The following CACNA1A variants were observed in gnomAD, a reference collection of about 807,000 sequenced individuals.
The protein encoded by CACNA1A is calcium voltage-gated channel subunit alpha1 A.
In CACNA1A, 57 loss-of-function variants were observed where a neutral mutation model predicts 262.4. That is an observed-to-expected ratio of 0.22 (90% CI 0.18 to 0.27). The LOEUF (loss-of-function observed/expected upper bound fraction) is 0.27, where lower values mean the gene tolerates loss of function less well. Ranked by LOEUF, CACNA1A falls within the 10% of genes least tolerant of loss-of-function variation. The pLI is 1.00. For synonymous variants in CACNA1A, 1,431 were observed against 1,419.3 expected (o/e 1.01, Z -0.18); for missense variants, 2,526 against 3,562.8 (o/e 0.71, Z 7.41).
intron 3 of CACNA1A, among the ~76,000 whole-genome samples, chr19:13,383,018 C>T (rs764331585): frequency 6.6e-6 from 1 of 152,196 alleles, no homozygotes; most frequent in Non-Finnish European, 1.5e-5. Flanking sequence ...TCCTTCAACT[C>T]CTGTGACTAG....
chr19:13,363,941 G>C (rs944012233), intron 5 of CACNA1A: 3 of 152,268 alleles, frequency 2.0e-5, no homozygotes, highest in African/African-American at 7.2e-5. Context: ...CAAGCAGCTA[G>C]AGTTTGGATG....
chr19:13,316,380 C>G (rs1476172025), intron 11 of CACNA1A: 3 of 152,146 alleles, frequency 2.0e-5, no homozygotes, highest in Non-Finnish European at 4.4e-5. Context: ...CTATCTCATG[C>G]TAACTCACAT....
intron 3 of CACNA1A, among the ~76,000 whole-genome samples, chr19:13,400,446 T>A (rs1487228780): frequency 1.3e-5 from 2 of 152,204 alleles, no homozygotes; most frequent in East Asian, 1.9e-4. Flanking sequence ...TTTAACTAGA[T>A]GAATACTGTC....
intron 24 of CACNA1A, chr19:13,275,207 G>T (rs904142942): frequency 9.2e-5 from 14 of 152,834 alleles, no homozygotes; most frequent in Non-Finnish European, 1.5e-4. Context: ...TGATAGCTCA[G>T]AACTCAGGGG....
chr19:13,441,668 A>G (rs562918297), intron 3 of CACNA1A, among the ~76,000 whole-genome samples: 38 of 83,378 alleles, frequency 4.6e-4, no homozygotes, highest in African/African-American at 1.5e-3. Flanking sequence ...TGTCTCGAGG[A>G]AAAAAAAAAA....
Position 13,415,743 on chromosome 19 carries a change from T to TAAAAA in CACNA1A, c.539+37128_539+37132dup, listed in dbSNP as rs71170510. Among the ~76,000 whole-genome samples the TAAAAA allele has an allele frequency of 5.2e-3, 220 of 42,502 alleles. 16 individuals are homozygous for TAAAAA. The highest frequency in any genetic ancestry group is 0.022 in the Admixed American group (61 of 2,820). 27.9% of individuals were successfully genotyped at this position (42,502 alleles called of 152,430 possible). ...CAACAGAGCGAGACTCTGTCTCAAT[T>TAAAAA]AAAAAAAAAAAAAAAAAAAAAAAAA... On this transcript the variant is annotated intron_variant, in intron 3 of 46. Coordinates refer to ENST00000360228, the MANE Select transcript of CACNA1A (RefSeq NM_001127222.2).
chr19:13,279,997 C>T (rs886689615), intron 22 of CACNA1A, among the ~76,000 whole-genome samples: 6 of 151,928 alleles, frequency 3.9e-5, no homozygotes, highest in South Asian at 2.1e-4. Flanking sequence ...TTGGTAGAGA[C>T]GGGGTTTCAC....
intron 1 of CACNA1A, among the ~76,000 whole-genome samples, chr19:13,480,627 G>A (rs1174042631): frequency 3.3e-5 from 5 of 151,996 alleles, no homozygotes; most frequent in Admixed American, 6.6e-5. Context: ...CCAGGAGTTC[G>A]AGATCAACCT....
At chr19:13,223,564 C>T (rs2055316958) in intron 38 of CACNA1A, among the ~76,000 whole-genome samples, 2 of 152,194 alleles carry the variant, frequency 1.3e-5, no homozygotes, top group African/African-American at 4.8e-5. Flanking sequence ...TCCTTTCGGT[C>T]TCCCATCCCC....
At chr19:13,410,079 T>C (rs1215413784) in intron 3 of CACNA1A, among the ~76,000 whole-genome samples, 1 of 152,176 alleles carries the variant, frequency 6.6e-6, no homozygotes, top group Non-Finnish European at 1.5e-5. Flanking sequence ...TGTGCTGTCA[T>C]CTAAAGTGAA....
chr19:13,431,352 G>C (rs2060499890), intron 3 of CACNA1A, among the ~76,000 whole-genome samples: 1 of 152,050 alleles, frequency 6.6e-6, no homozygotes, highest in Admixed American at 6.6e-5. Flanking sequence ...AGATTCTGAA[G>C]GTAGAGCCAA....
In CACNA1A at chr19:13,386,148, C is replaced by G. The variant is rs538119692; in HGVS notation, c.540-14369G>C. ...CCTGGGCAACAGAGTGAGACCTTGT[C>G]TCTTAAAAAAAAAAAAAAAAGAAGA... On this transcript the variant is annotated intron_variant, in intron 3 of 46. Coordinates refer to ENST00000360228, the MANE Select transcript of CACNA1A (RefSeq NM_001127222.2). Among the ~76,000 whole-genome samples the G allele has an allele frequency of 1.1e-4, 15 of 138,990 alleles. No individual in the cohort carries two copies. The South Asian group carries it at 3.4e-3, about 32-fold the overall frequency. The allele number at this position is 138,990 out of a possible 152,430, so 91.2% of individuals were successfully genotyped here.
intron 4 of CACNA1A, among the ~76,000 whole-genome samples, chr19:13,369,817 G>A (rs978168009): frequency 1.3e-5 from 2 of 151,946 alleles, no homozygotes; most frequent in African/African-American, 4.8e-5. Flanking sequence ...TTGACTATTA[G>A]ATTTGGGATG....
chr19:13,225,148 A>C, intron 37 of CACNA1A: 1 of 204,876 alleles, frequency 4.9e-6, no homozygotes, highest in East Asian at 1.3e-4. Flanking sequence ...TGAGCAGTGC[A>C]TGCAACAGCC....
At chr19:13,459,178 CT>C (rs2061070663) in intron 1 of CACNA1A, among the ~76,000 whole-genome samples, 2 of 152,090 alleles carry the variant, frequency 1.3e-5, no homozygotes, top group South Asian at 4.1e-4. Context: ...CATGCTAAAC[CT>C]CTCCCCTCCT....
chr19:13,402,753 T>C (rs1035134447), intron 3 of CACNA1A, among the ~76,000 whole-genome samples: 6 of 142,638 alleles, frequency 4.2e-5, no homozygotes, highest in East Asian at 2.0e-4. Flanking sequence ...CACATATATA[T>C]ACACACATAT....
At chr19:13,216,651 CTATCTATCTATCTATCTATCTATCTAT>C (rs2055021175) in intron 38 of CACNA1A, among the ~76,000 whole-genome samples, 1 of 376 alleles carries the variant, frequency 2.7e-3, no homozygotes, top group African/African-American at 0.015. Flanking sequence ...AAAAATTTAT[CTATCTATCTATCTATCTATCTATCTAT>C]CTATCTATCT....
chr19:13,332,366 C>CTCCA (rs1253714250), intron 9 of CACNA1A, among the ~76,000 whole-genome samples: 6 of 151,748 alleles, frequency 4.0e-5, no homozygotes, highest in African/African-American at 1.5e-4. Context: ...TGTGACTGCA[C>CTCCA]TCCAGCCTGG....
intron 6 of CACNA1A, among the ~76,000 whole-genome samples, chr19:13,357,963 C>T (rs562690528): frequency 3.9e-5 from 6 of 152,178 alleles, no homozygotes; most frequent in Non-Finnish European, 5.9e-5. Flanking sequence ...GCTATGATTA[C>T]ACCACTGCGC....
Sources: gnomAD v4.1 joint callset for allele counts (sites outside exome capture counted in the v4.1 genomes callset) on GRCh38, gnomAD v4.1.1 for gene constraint, MANE v1.5 for transcripts, NCBI Gene and HGNC (gene_info 2026-07-23, HGNC 2026-07-21) for gene names.